Variants in SYT1 observed in about 807,000 individuals in gnomAD.
SYT1 encodes synaptotagmin 1.
In SYT1, 8 loss-of-function variants were observed where a neutral mutation model predicts 44.8. That is an observed-to-expected ratio of 0.18 (90% CI 0.10 to 0.32). The LOEUF (loss-of-function observed/expected upper bound fraction) is 0.32. SYT1 is among the 10% of genes least tolerant of loss of function. SYT1 has a pLI of 1.00. For synonymous variants in SYT1, 154 were observed against 188.8 expected, an observed-to-expected ratio of 0.82 and a Z score of 1.51; for missense variants, 286 against 509.3, an observed-to-expected ratio of 0.56 and a Z score of 4.22.
At chr12:79,022,096 G>A (rs1308268099) in intron 2 of SYT1, among the ~76,000 whole-genome samples, 49 of 150,392 alleles carry the variant, frequency 3.3e-4, no homozygotes, top group South Asian at 2.1e-4. Context: ...ATGAATTTGC[G>A]GAAGAAAAAA....
Position 79,097,906 on chromosome 12 carries a change from T to G in SYT1, c.-18+50544T>G, listed in dbSNP as rs1878232001. 2.0e-5 allele frequency among the ~76,000 whole-genome samples: 3 copies of G among 152,112 alleles called. No homozygotes were observed. In the South Asian group the frequency reaches 6.2e-4, roughly 32 times the overall value. On this transcript the variant is annotated intron_variant, in intron 3 of 10. Coordinates refer to ENST00000261205, the MANE Select transcript of SYT1 (RefSeq NM_005639.3). ...CTTTAGTGTGAAACAAGAGCCCATT[T>G]CGGGTGTGTGCATGTGAGCATGCAT...
intron 3 of SYT1, among the ~76,000 whole-genome samples, chr12:79,158,418 G>A (rs920064626): frequency 1.3e-5 from 2 of 152,058 alleles, no homozygotes; most frequent in Admixed American, 1.3e-4. Flanking sequence ...ATGAAGAGGG[G>A]CTGTAAATAC....
intron 9 of SYT1, among the ~76,000 whole-genome samples, chr12:79,382,587 AG>A (rs963904059): frequency 2.0e-5 from 3 of 152,188 alleles, no homozygotes; most frequent in Non-Finnish European, 4.4e-5. Flanking sequence ...GTTAAAAAAA[AG>A]AAAAGAAAAA....
chr12:79,418,424 A>C (rs1868892234), intron 9 of SYT1, among the ~76,000 whole-genome samples: 1 of 152,138 alleles, frequency 6.6e-6, no homozygotes, highest in South Asian at 2.1e-4. Flanking sequence ...GAGGCTTAAA[A>C]GTAATTGATT....
At chr12:78,884,265 C>G (rs949604131) in intron 1 of SYT1, among the ~76,000 whole-genome samples, 20 of 151,406 alleles carry the variant, frequency 1.3e-4, no homozygotes, top group African/African-American at 4.6e-4. Context: ...TTTATACAAT[C>G]TACAGTGATT....
chr12:79,224,426 A>T (rs1473126518), intron 4 of SYT1, among the ~76,000 whole-genome samples: 1 of 152,192 alleles, frequency 6.6e-6, no homozygotes, highest in Non-Finnish European at 1.5e-5. Flanking sequence ...TTTGGGGATG[A>T]CCAGGGCTGG....
At chr12:78,981,853 G>A (rs1342105945) in intron 2 of SYT1, among the ~76,000 whole-genome samples, 1 of 152,132 alleles carries the variant, frequency 6.6e-6, no homozygotes, top group African/African-American at 2.4e-5. Context: ...TTGAATTTTA[G>A]TATTTTGTAT....
At chr12:79,133,463 C>A (rs1868984770) in intron 3 of SYT1, among the ~76,000 whole-genome samples, 2 of 152,022 alleles carry the variant, frequency 1.3e-5, no homozygotes, top group African/African-American at 4.8e-5. Flanking sequence ...TCCTAAATAC[C>A]CTGTTTGGAT....
chr12:79,044,765 A>G (rs1338775322), intron 2 of SYT1, among the ~76,000 whole-genome samples: 4 of 147,732 alleles, frequency 2.7e-5, no homozygotes, highest in African/African-American at 1.0e-4. Flanking sequence ...GGTTTTATCT[A>G]CTTTTGGTCT....
At chr12:79,124,535 A>G (rs940546545) in intron 3 of SYT1, among the ~76,000 whole-genome samples, 2 of 152,134 alleles carry the variant, frequency 1.3e-5, no homozygotes, top group African/African-American at 2.4e-5. Flanking sequence ...TCTCACCATC[A>G]TCATCATCAT....
At chr12:79,153,871 G>A (rs554136048) in intron 3 of SYT1, among the ~76,000 whole-genome samples, 2 of 152,098 alleles carry the variant, frequency 1.3e-5, no homozygotes, top group Admixed American at 1.3e-4. Flanking sequence ...TTTATCAGTT[G>A]GATATAAAAC....
intron 1 of SYT1, among the ~76,000 whole-genome samples, chr12:78,905,777 A>C (rs1487440974): frequency 2.0e-5 from 3 of 151,312 alleles, no homozygotes; most frequent in Non-Finnish European, 4.4e-5. Flanking sequence ...GACCTTTTTA[A>C]TTTTTTTTTA....
intron 3 of SYT1, among the ~76,000 whole-genome samples, chr12:79,060,554 A>T (rs999979642): frequency 1.3e-5 from 2 of 152,078 alleles, no homozygotes; most frequent in African/African-American, 4.8e-5. Context: ...TAACTACGTC[A>T]TATAAGTGGA....
At chr12:78,948,274 A>T (rs1878776958) in intron 1 of SYT1, among the ~76,000 whole-genome samples, 1 of 151,902 alleles carries the variant, frequency 6.6e-6, no homozygotes, top group Non-Finnish European at 1.5e-5. Context: ...TTTACTCCTA[A>T]TCAAAATGCA....
At chr12:79,048,331 T>C (rs1874224916) in intron 3 of SYT1, among the ~76,000 whole-genome samples, 1 of 151,880 alleles carries the variant, frequency 6.6e-6, no homozygotes. Context: ...AAATTATTCC[T>C]GCATAATAAC....
At chr12:79,308,587 GAAAGAAGAAAGAAAGAAAGAAAGAA>G (rs1203896829) in intron 8 of SYT1, among the ~76,000 whole-genome samples, 11 of 114,248 alleles carry the variant, frequency 9.6e-5, no homozygotes, top group African/African-American at 2.6e-4. Flanking sequence ...AGAAGGAAAA[GAAAGAAGAAAGAAAGAAAGAAAGAA>G]AAAGAAAGAA....
chr12:79,233,175 A>T (rs1290396555), intron 4 of SYT1, among the ~76,000 whole-genome samples: 1 of 152,180 alleles, frequency 6.6e-6, no homozygotes, highest in African/African-American at 2.4e-5. Context: ...CCAGCTAAAC[A>T]GTGTCCTCAC....
chr12:79,098,476 A>G (rs963426885), intron 3 of SYT1, among the ~76,000 whole-genome samples: 8 of 152,144 alleles, frequency 5.3e-5, no homozygotes, highest in African/African-American at 1.9e-4. Context: ...AAATTTGTCT[A>G]TGTCAGTTAA....
At position 79,238,302 on chromosome 12, in the gene SYT1, CT is replaced by C. The variant is rs539018102; in HGVS notation, c.166+20625del. On this transcript the variant is annotated intron_variant, in intron 4 of 10. Transcript: ENST00000261205. ...CTTTAAGGAACAAAGTATGACCCAA[CT>C]TTTTTTTCTTTTTGGACCATTAAAG... 2.6e-5 allele frequency among the ~76,000 whole-genome samples: 4 copies of C among 152,012 alleles called. No individual in the cohort carries two copies. In the East Asian group the frequency reaches 7.7e-4, roughly 29 times the overall value.
Sources: gnomAD v4.1 joint callset for allele counts (sites outside exome capture counted in the v4.1 genomes callset) on GRCh38, gnomAD v4.1.1 for gene constraint, MANE v1.5 for transcripts, NCBI Gene and HGNC (gene_info 2026-07-23, HGNC 2026-07-21) for gene names.